SPTBN5: variants seen among roughly 807,000 people sequenced by gnomAD.
SPTBN5 encodes the protein spectrin beta, non-erythrocytic 5, also known as spectrin beta chain, non-erythrocytic 5.
Under a neutral mutation model 477.6 loss-of-function variants are expected in SPTBN5, and 513 were observed. The ratio of observed to expected loss-of-function variants is 1.07; its 90% CI spans 1.00 to 1.16. SPTBN5 has a LOEUF of 1.16. Ranked by LOEUF, SPTBN5 falls within the 50% of genes most tolerant of loss-of-function variation. The probability of loss-of-function intolerance (pLI) is 0.00; values close to 1 mark genes in which losing one functional copy is unlikely to be tolerated. For missense variants in SPTBN5, 5,062 were observed against 4,731.8 expected (o/e 1.07, Z -2.05); for synonymous variants, 2,169 against 2,011.7 (o/e 1.08, Z -2.09).
chr15:41,887,661 C>T (rs1399705319), intron 5 of SPTBN5, among the ~76,000 whole-genome samples: 9 of 152,068 alleles, frequency 5.9e-5, no homozygotes, highest in Non-Finnish European at 1.0e-4. Flanking sequence ...GGAGGAATCT[C>T]CAAAGGGCAG....
In SPTBN5 at chr15:41,848,519, G is replaced by A; in HGVS notation, c.*97C>T. 2 of 1,466,310 alleles carry A rather than the reference G, an allele frequency of 1.4e-6. No individual in the cohort carries two copies. Among genetic ancestry groups the A allele is most frequent in the South Asian group, 1.1e-5 (1 of 88,188 alleles). 90.8% of individuals were successfully genotyped at this position (1,466,310 alleles called of 1,614,324 possible). A position where few individuals can be genotyped will look rare whatever the true frequency, so the allele number is the denominator to read the frequency against. On this transcript the variant is annotated 3_prime_UTR_variant, in exon 68 of 68. Coordinates refer to ENST00000320955, the MANE Select transcript of SPTBN5 (RefSeq NM_016642.4). ...GGGGAACTGGGTTGAAGCAGCCACG[G>A]GAAGGAGCCCTTTTGCCTGTAGCTG... is the stretch of plus-strand genomic sequence containing the variant.
In SPTBN5 at chr15:41,855,548, C is replaced by T; in HGVS notation, c.9218+1G>A. 3 of 1,608,086 alleles carry T rather than the reference C, an allele frequency of 1.9e-6. No individual in the cohort carries two copies. The highest frequency in any genetic ancestry group is 2.5e-6 in the Non-Finnish European group (3 of 1,176,606). On this transcript the variant is annotated splice_donor_variant, in intron 54 of 67. Coordinates refer to ENST00000320955, the MANE Select transcript of SPTBN5 (RefSeq NM_016642.4). LOFTEE classifies it high-confidence loss of function. ...TCGCGGATGGTGTGGCTTCCGCCCACCTTTCTGGGTTCTTCCTGCTCTCCA... is the reference window on the plus strand; with the variant it reads ...TCGCGGATGGTGTGGCTTCCGCCCATCTTTCTGGGTTCTTCCTGCTCTCCA...
In SPTBN5 at chr15:41,890,125, AATG is replaced by A; in HGVS notation, c.462_464del (p.Ile155del). 1 of 1,613,172 alleles carries A rather than the reference AATG, an allele frequency of 6.2e-7. No individual in the cohort carries two copies. The highest frequency in any genetic ancestry group is 1.3e-5 in the African/African-American group (1 of 75,022). The stretch of plus-strand genomic sequence containing the variant: ...AGATGTGGGAGATCTGGAAACGCAG[AATG>A]ATGACCCAGATGAGTCCCAGGATGA... On this transcript the variant is annotated inframe_deletion, in exon 4 of 68. Coordinates refer to ENST00000320955, the MANE Select transcript of SPTBN5 (RefSeq NM_016642.4).
At position 41,848,472 on chromosome 15, in the gene SPTBN5, GTC is replaced by G. The variant is rs532471796; in HGVS notation, c.*142_*143del. The G allele has an allele frequency of 2.5e-5, 23 of 934,350 alleles. No individual in the cohort carries two copies. In the African/African-American group the frequency reaches 3.6e-4, roughly 14 times the overall value. 57.9% of individuals were successfully genotyped at this position (934,350 alleles called of 1,614,324 possible). ...AGGACCCATCTAACCAGAAGGAACT[GTC>G]TATTCCAGAAGCTGGGCCTGGGGAA... On this transcript the variant is annotated 3_prime_UTR_variant, in exon 68 of 68. Coordinates refer to ENST00000320955, the MANE Select transcript of SPTBN5 (RefSeq NM_016642.4).
rs545645559 is a variant in SPTBN5, at chr15:41,858,729, TCC to T, written c.8097_8098del (p.Lys2701GlufsTer70). 1.6e-4 allele frequency: 255 copies of T among 1,609,872 alleles called. 1 individual carries two copies. The African/African-American group carries it at 3.1e-3, about 20-fold the overall frequency. On this transcript the variant is annotated frameshift_variant, in exon 49 of 68. Transcript: ENST00000320955. LOFTEE classifies it high-confidence loss of function. ...CTCCTCCAAGGCCACCAGGTTCTTC[TCC>T]CTCAGCCACGCAGCCACCTGGGCAC...
chr15:41,857,804 A>G, intron 49 of SPTBN5, 94 bp from the exon 50 acceptor site: 1 of 1,439,836 alleles, frequency 6.9e-7, no homozygotes, highest in South Asian at 1.3e-5. Context: ...AGAGCTGCAG[A>G]GTCCCTGCGG....
rs769370529 is a variant in SPTBN5, at chr15:41,878,585, T to C, written c.3227A>G (p.Gln1076Arg). The change falls in exon 17 of 68, where the codon CAG becomes CGG. Residue 1076 changes from glutamine (Q) to arginine (R), a missense_variant. Physicochemically the swap from Gln to Arg is conservative, Grantham distance 43. Transcript: ENST00000320955. ...CAGCAGCCCCTGCAGTGTCTCCACC[T>C]GTCCTTGCAGAGGCTGGCTCTCTGC... is the stretch of plus-strand genomic sequence containing the variant. ...GYAESQPLQG[Q>R]VETLQGLLKQ... 2 of 1,612,790 alleles carry C rather than the reference T, an allele frequency of 1.2e-6. No homozygotes were observed. The highest frequency in any genetic ancestry group is 1.1e-5 in the South Asian group (1 of 90,990).
At position 41,876,569 on chromosome 15, in the gene SPTBN5, C is replaced by T; in HGVS notation, c.3930G>A (p.Leu1310=). Residue 1310 remains leucine (L), a synonymous_variant, in exon 20 of 68, where the codon TTG becomes TTA. Transcript: ENST00000320955. ...TCACCTGGAGCTGGAGGGAAGCCAGCAACTGCCTCCTCCTCTGCTCACTCC... is the reference window on the plus strand; with the variant it reads ...TCACCTGGAGCTGGAGGGAAGCCAGTAACTGCCTCCTCCTCTGCTCACTCC... ...QGRSEQRRRQ[L]LASLQLQEWK... 1 of 1,597,400 alleles carries T rather than the reference C, an allele frequency of 6.3e-7. No homozygotes were observed. The highest frequency in any genetic ancestry group is 8.5e-7 in the Non-Finnish European group (1 of 1,171,482).
At chr15:41,878,763 G>A in intron 16 of SPTBN5, 134 bp from the exon 17 acceptor site, 1 of 1,043,856 alleles carries the variant, frequency 9.6e-7, no homozygotes, top group Middle Eastern at 3.1e-4. Context: ...CCCTTGACCT[G>A]GGGGCAGCAA....
At position 41,869,867 on chromosome 15, in the gene SPTBN5, G is replaced by T. The variant is rs374745566; in HGVS notation, c.5827C>A (p.Arg1943Ser). 1.3e-6 allele frequency: 2 copies of T among 1,558,954 alleles called. No individual in the cohort carries two copies. The highest frequency in any genetic ancestry group is 2.3e-5 in the East Asian group (1 of 43,114). Residue 1943 changes from arginine (R) to serine (S), a missense_variant, in exon 32 of 68, where the codon CGC (arginine) becomes AGC (serine). Physicochemically the swap from Arg to Ser is moderately radical, Grantham distance 110. Coordinates refer to ENST00000320955, the MANE Select transcript of SPTBN5 (RefSeq NM_016642.4). ...GCCGTGCGGAAGCGGGCCAGGAGGC[G>T]TGCCCGCTCCAGCTGGGCCCTGCGC... is the stretch of plus-strand genomic sequence containing the variant. ...EQRRAQLERA[R>S]LLARFRTAVR... is the part of the protein sequence containing the mutation.
chr15:41,877,839 T>G (rs539997736), intron 17 of SPTBN5, among the ~76,000 whole-genome samples: 6 of 152,192 alleles, frequency 3.9e-5, no homozygotes, highest in Admixed American at 3.9e-4. Flanking sequence ...ACCTGTCAAG[T>G]GCCTTCAGGA....
rs768359477 is a variant in SPTBN5, at chr15:41,875,552, C to T, written c.4193G>A (p.Arg1398Lys). 6.2e-7 allele frequency: 1 copy of T among 1,610,580 alleles called. No homozygotes were observed. The highest frequency in any genetic ancestry group is 1.1e-5 in the South Asian group (1 of 90,030). The change falls in exon 22 of 68, where the codon AGA becomes AAA. Residue 1398 changes from arginine (R) to lysine (K), a missense_variant. Arg to Lys is a conservative substitution (Grantham distance 26). Coordinates refer to ENST00000320955, the MANE Select transcript of SPTBN5 (RefSeq NM_016642.4). ...EDIQTRLQGL[R>K]SKWEALNRKM... is the part of the protein sequence containing the mutation. ...GCGGTTCAAAGCTTCCCACTTGCTTCTCAGGCCTTGAAGCCTGGTCTGTAT... is the reference window on the plus strand; with the variant it reads ...GCGGTTCAAAGCTTCCCACTTGCTTTTCAGGCCTTGAAGCCTGGTCTGTAT...
chr15:41,866,932 G>C, intron 36 of SPTBN5, 27 bp downstream of exon 36: 1 of 1,544,484 alleles, frequency 6.5e-7, no homozygotes, highest in Non-Finnish European at 8.7e-7. Flanking sequence ...TCCAGTGGAA[G>C]GCCCTGGGCT....
rs780934179 is a variant in SPTBN5 at position 41,876,662 on chromosome 15, G to GA, written c.3852-16_3852-15insT. ...GCTCTCTGACCCTGGAGGGCGGGGG[G>GA]GGGTTGGAGGAGGGCATGGGAGAGG... is the stretch of plus-strand genomic sequence containing the variant. On this transcript the variant is annotated splice_polypyrimidine_tract_variant and intron_variant, in intron 19 of 67. Transcript: ENST00000320955. 1.4e-6 allele frequency: 2 copies of GA among 1,436,912 alleles called. No individual in the cohort carries two copies. The highest frequency in any genetic ancestry group is 1.8e-4 in the Middle Eastern group (1 of 5,548). The allele number at this position is 1,436,912 out of a possible 1,614,324, so 89.0% of individuals were successfully genotyped here.
At chr15:41,881,724 C>G (rs112630908) in intron 12 of SPTBN5, among the ~76,000 whole-genome samples, 1 of 152,178 alleles carries the variant, frequency 6.6e-6, no homozygotes, top group East Asian at 1.9e-4. Flanking sequence ...TGGATGCCCT[C>G]GGTTGACGTG....
At chr15:41,850,119 C>T (rs2065702712) in intron 66 of SPTBN5, 160 bp from the exon 67 acceptor site, 1 of 636,770 alleles carries the variant, frequency 1.6e-6, no homozygotes, top group Non-Finnish European at 2.8e-6. Flanking sequence ...GGGCTGAGCA[C>T]TTGTGGGCAG....
Position 41,854,851 on chromosome 15 carries a change from G to A in SPTBN5, c.9549C>T (p.Ile3183=), listed in dbSNP as rs767892507. Residue 3183 remains isoleucine, a synonymous_variant, in exon 56 of 68, where the codon ATC becomes ATT. Coordinates refer to ENST00000320955, the MANE Select transcript of SPTBN5 (RefSeq NM_016642.4). ...ERGAPRRYPH[I]QAQRSRIEAA... ...CCTCAATGCGGCTCCTCTGGGCTTG[G>A]ATGTGGGGATAGCGCCTGGGTGCAC... 6.2e-6 allele frequency: 10 copies of A among 1,608,482 alleles called. No individual in the cohort carries two copies. Among genetic ancestry groups the A allele is most frequent in the Middle Eastern group, 1.6e-4 (1 of 6,062 alleles).
intron 1 of SPTBN5, 130 bp from the exon 2 acceptor site, chr15:41,893,676 G>T: frequency 1.7e-6 from 2 of 1,179,866 alleles, no homozygotes; most frequent in Non-Finnish European, 2.3e-6. Context: ...CCAGGTAAGG[G>T]CCAGTGCTTC....
Position 41,861,854 on chromosome 15 carries a change from C to A in SPTBN5, c.7618G>T (p.Gly2540Trp). The A allele has an allele frequency of 6.2e-7, 1 of 1,607,974 alleles. No homozygotes were observed. The highest frequency in any genetic ancestry group is 8.5e-7 in the Non-Finnish European group (1 of 1,179,436). Residue 2540 changes from glycine to tryptophan, a missense_variant, in exon 45 of 68, where the codon GGG (glycine) becomes TGG (tryptophan). By Grantham distance (184) the Gly-to-Trp change is radical (BLOSUM62 -2). Coordinates refer to ENST00000320955, the MANE Select transcript of SPTBN5 (RefSeq NM_016642.4). ...CGAATGTCGGAGCTGAAGGGGTGCC[C>A]CGCTGTGAGCAGTTGCTGCCCAGTG... Reference protein sequence around the residue: ...RSTGQQLLTAGHPFSSDIRQV... With the variant: ...RSTGQQLLTAWHPFSSDIRQV...
Sources: allele counts gnomAD v4.1 joint callset (sites outside exome capture counted in the v4.1 genomes callset), GRCh38; gene constraint gnomAD v4.1.1; transcripts MANE v1.5; gene names NCBI Gene and HGNC (gene_info 2026-07-23, HGNC 2026-07-21).